GFI1B: variants seen among roughly 807,000 people sequenced by gnomAD.
The protein encoded by GFI1B is zinc finger protein Gfi-1b.
GFI1B carries 20 observed loss-of-function variants against 35.3 expected under a neutral mutation model. The observed-to-expected ratio is 0.57, with a 90% CI of 0.40 to 0.82. The LOEUF is 0.82. GFI1B is among the 40% of genes least tolerant of loss of function. The pLI is 0.00. For synonymous variants in GFI1B, 178 were observed against 177.6 expected (o/e 1.00, Z -0.02); for missense variants, 430 against 446.3 (o/e 0.96, Z 0.33).
At chr9:132,962,056 C>T (rs1217160052) in intron 1 of GFI1B, among the ~76,000 whole-genome samples, 1 of 93,654 alleles carries the variant, frequency 1.1e-5, no homozygotes, top group African/African-American at 4.3e-5. Context: ...CTTCCCTACA[C>T]ACCTACACTC....
At position 132,986,650 on chromosome 9, in the gene GFI1B, C is replaced by G. The variant is rs1449792904; in HGVS notation, c.-20-9C>G. On this transcript the variant is annotated splice_polypyrimidine_tract_variant and intron_variant, in intron 1 of 6. Coordinates refer to ENST00000372122, the MANE Select transcript of GFI1B (RefSeq NM_001377304.1). ...CCTTCCTAACCGCTCCCATCCCTCC[C>G]CCTTGCAGGTGTGGGGTGCACACTG... 16 of 1,404,770 alleles carry G rather than the reference C, an allele frequency of 1.1e-5. No homozygotes were observed. The highest frequency in any genetic ancestry group is 1.6e-5 in the Non-Finnish European group (16 of 996,774). 87.0% of individuals were successfully genotyped at this position (1,404,770 alleles called of 1,614,324 possible).
intron 1 of GFI1B, chr9:132,945,729 C>A (rs921355438): frequency 6.6e-6 from 1 of 152,456 alleles, no homozygotes; most frequent in Non-Finnish European, 1.5e-5. Flanking sequence ...AAAGTCATCA[C>A]GGTTTTTACC....
chr9:132,954,804 C>T (rs1302671806), intron 1 of GFI1B, among the ~76,000 whole-genome samples: 1 of 151,618 alleles, frequency 6.6e-6, no homozygotes, highest in Non-Finnish European at 1.5e-5. Context: ...CTGCAACCTC[C>T]TCCTCCCGGG....
chr9:132,992,325 A>C (rs1344534288), downstream of GFI1B, among the ~76,000 whole-genome samples: 1 of 152,304 alleles, frequency 6.6e-6, no homozygotes, highest in East Asian at 1.9e-4. Context: ...TGGCTGAATA[A>C]TGGCCCCAAA....
intron 2 of GFI1B, among the ~76,000 whole-genome samples, chr9:132,973,677 C>A (rs565623811): frequency 6.6e-6 from 1 of 152,292 alleles, no homozygotes; most frequent in Admixed American, 6.5e-5. Context: ...GAGAAAGAAC[C>A]ATTCCAGACA....
intron 1 of GFI1B, among the ~76,000 whole-genome samples, chr9:132,948,249 G>A (rs1848151669): frequency 6.6e-6 from 1 of 152,074 alleles, no homozygotes; most frequent in Non-Finnish European, 1.5e-5. Context: ...ACTGCGATGA[G>A]GAAGCTGTGG....
chr9:132,964,692 T>C (rs1465894163), intron 1 of GFI1B, among the ~76,000 whole-genome samples: 3 of 151,920 alleles, frequency 2.0e-5, no homozygotes, highest in Admixed American at 2.0e-4. Flanking sequence ...GTGCTACCCT[T>C]GTTACTGATC....
Position 132,983,190 on chromosome 9 carries a change from C to CTTT in GFI1B, c.-20-3450_-20-3448dup, listed in dbSNP as rs66711864. On this transcript the variant is annotated intron_variant, in intron 1 of 6. Transcript: ENST00000372122. ...TCAGAGGGTTTGATTTTTCTCCCTC[C>CTTT]TTTTTTTTTTTTTTTTTTTTTGAGA... Among the ~76,000 whole-genome samples, 360 of 98,606 alleles carry CTTT rather than the reference C, an allele frequency of 3.7e-3. 12 individuals are homozygous for CTTT. The highest frequency in any genetic ancestry group is 7.1e-3 in the Middle Eastern group (1 of 140). The allele number at this position is 98,606 out of a possible 152,430, so 64.7% of individuals were successfully genotyped here.
intron 1 of GFI1B, among the ~76,000 whole-genome samples, chr9:132,959,539 T>A (rs1458517892): frequency 6.6e-6 from 1 of 152,244 alleles, no homozygotes; most frequent in Non-Finnish European, 1.5e-5. Context: ...GTGTGAGCAC[T>A]GAGTAAATAT....
At chr9:132,981,699 C>T (rs1186824481) in intron 1 of GFI1B, among the ~76,000 whole-genome samples, 3 of 152,020 alleles carry the variant, frequency 2.0e-5, no homozygotes, top group African/African-American at 7.2e-5. Flanking sequence ...GGCCCCTGGG[C>T]CTGACCTGGG....
At chr9:132,977,036 C>T (rs1023170751), upstream of GFI1B, among the ~76,000 whole-genome samples, 18 of 152,230 alleles carry the variant, frequency 1.2e-4, no homozygotes, top group African/African-American at 4.1e-4. Flanking sequence ...GGACTCACCG[C>T]AACCTCTGCC....
At chr9:132,956,347 T>G (rs1200685487) in intron 1 of GFI1B, among the ~76,000 whole-genome samples, 1 of 152,200 alleles carries the variant, frequency 6.6e-6, no homozygotes, top group Non-Finnish European at 1.5e-5. Flanking sequence ...ATTAGAGAAC[T>G]GTCATTTCCG....
intron 1 of GFI1B, among the ~76,000 whole-genome samples, chr9:132,968,292 T>A (rs996323925): frequency 6.6e-6 from 1 of 150,808 alleles, no homozygotes; most frequent in African/African-American, 2.4e-5. Flanking sequence ...TAAAGAAAAA[T>A]TTTTTTTTTA....
upstream of GFI1B, among the ~76,000 whole-genome samples, chr9:132,974,011 ATC>A (rs1848579770): frequency 6.6e-6 from 1 of 152,188 alleles, no homozygotes; most frequent in African/African-American, 2.4e-5. Flanking sequence ...TTGAGGAGGA[ATC>A]TCTCTTTCCA....
intron 1 of GFI1B, chr9:132,949,724 C>T (rs1019346364): frequency 6.5e-6 from 1 of 152,700 alleles, no homozygotes; most frequent in Admixed American, 6.5e-5. Context: ...GCCGGCATGC[C>T]CAAACCAGCA....
At chr9:132,982,144 G>A (rs1436665526) in intron 1 of GFI1B, among the ~76,000 whole-genome samples, 2 of 152,222 alleles carry the variant, frequency 1.3e-5, no homozygotes, top group Non-Finnish European at 2.9e-5. Context: ...CTCCCAAAAG[G>A]GGAACCCGAG....
chr9:132,984,210 C>T (rs1342284202), intron 1 of GFI1B, among the ~76,000 whole-genome samples: 1 of 152,238 alleles, frequency 6.6e-6, no homozygotes, highest in Non-Finnish European at 1.5e-5. Flanking sequence ...ACCCCACACC[C>T]CCAGTCCTCC....
At chr9:132,969,498 C>T (rs559454645) in intron 1 of GFI1B, among the ~76,000 whole-genome samples, 92 of 152,316 alleles carry the variant, frequency 6.0e-4, no homozygotes, top group South Asian at 1.0e-3. Context: ...AATACTCCGT[C>T]GTATGGACCA....
chr9:132,983,711 A>G (rs1848918709), intron 1 of GFI1B, among the ~76,000 whole-genome samples: 2 of 152,188 alleles, frequency 1.3e-5, no homozygotes, highest in African/African-American at 4.8e-5. Flanking sequence ...ACACGGGCAC[A>G]CGAGGGAGCT....
Sources: allele counts gnomAD v4.1 joint callset (sites outside exome capture counted in the v4.1 genomes callset), GRCh38; gene constraint gnomAD v4.1.1; transcripts MANE v1.5; gene names NCBI Gene and HGNC (gene_info 2026-07-23, HGNC 2026-07-21).